TAFA4: variants seen among roughly 807,000 people sequenced by gnomAD.
The protein encoded by TAFA4 is chemokine-like protein TAFA-4.
TAFA4 carries 20 observed loss-of-function variants against 21.1 expected under a neutral mutation model. The observed-to-expected ratio is 0.95, with a 90% CI of 0.67 to 1.38. The LOEUF (loss-of-function observed/expected upper bound fraction) is 1.38. TAFA4 is among the 40% of genes most tolerant of loss of function. The probability of loss-of-function intolerance (pLI) is 0.00; values close to 1 mark genes in which losing one functional copy is unlikely to be tolerated. For missense variants in TAFA4, 211 were observed against 180.9 expected (o/e 1.17, Z -0.95); for synonymous variants, 71 against 67.4 (o/e 1.05, Z -0.26).
intron 3 of TAFA4, among the ~76,000 whole-genome samples, chr3:68,826,312 G>A (rs902110937): frequency 7.2e-5 from 11 of 152,126 alleles, no homozygotes; most frequent in South Asian, 4.1e-4. Context: ...GGTGGCTCAC[G>A]CCTGTAATCC....
intron 1 of TAFA4, among the ~76,000 whole-genome samples, chr3:68,888,981 T>A (rs1028636029): frequency 6.6e-6 from 1 of 152,226 alleles, no homozygotes; most frequent in Non-Finnish European, 1.5e-5. Context: ...ATCGATAACT[T>A]TGTGCATGGC....
chr3:68,873,376 A>ACACACACACACACACACACACACACC (rs1491286222), intron 3 of TAFA4, among the ~76,000 whole-genome samples: 1 of 138,456 alleles, frequency 7.2e-6, no homozygotes, highest in South Asian at 2.8e-4. Flanking sequence ...ACACACACAC[A>ACACACACACACACACACACACACACC]CCCTGGGCCA....
chr3:68,873,337 TACACACACACACACACACAC>T (rs34998311), intron 3 of TAFA4, among the ~76,000 whole-genome samples: 1 of 133,422 alleles, frequency 7.5e-6, no homozygotes, highest in Non-Finnish European at 1.6e-5. Flanking sequence ...CACGCAGACA[TACACACACACACACACACAC>T]ACACACACAC....
chr3:68,908,731 G>A (rs1575668468), intron 1 of TAFA4, among the ~76,000 whole-genome samples: 1 of 152,170 alleles, frequency 6.6e-6, no homozygotes. Context: ...AATATGGTTG[G>A]TAAAAACATT....
intron 3 of TAFA4, among the ~76,000 whole-genome samples, chr3:68,796,561 C>G (rs1313566078): frequency 6.6e-6 from 1 of 152,110 alleles, no homozygotes; most frequent in African/African-American, 2.4e-5. Flanking sequence ...CAGGGAAAAG[C>G]TTCATGACAT....
intron 3 of TAFA4, among the ~76,000 whole-genome samples, chr3:68,788,885 A>T (rs1703311650): frequency 6.6e-6 from 1 of 152,100 alleles, no homozygotes; most frequent in Admixed American, 6.5e-5. Context: ...TGGCCTTCCA[A>T]GGCTCTGGGA....
intron 3 of TAFA4, among the ~76,000 whole-genome samples, chr3:68,772,795 C>T (rs1044803930): frequency 6.6e-6 from 1 of 152,164 alleles, no homozygotes; most frequent in Admixed American, 6.5e-5. Flanking sequence ...TCTTAGCCTC[C>T]ATCATCACAT....
At chr3:68,897,847 C>T (rs1447340868) in intron 1 of TAFA4, among the ~76,000 whole-genome samples, 1 of 148,656 alleles carries the variant, frequency 6.7e-6, no homozygotes, top group African/African-American at 2.5e-5. Context: ...TCAACACTTC[C>T]CCCTTGACAT....
chr3:68,858,354 T>C (rs1219607381), intron 3 of TAFA4, among the ~76,000 whole-genome samples: 1 of 152,110 alleles, frequency 6.6e-6, no homozygotes, highest in Non-Finnish European at 1.5e-5. Flanking sequence ...TAGTTATTAA[T>C]GCTGGAACGC....
At chr3:68,737,811 A>G (rs1702271693) in intron 5 of TAFA4, among the ~76,000 whole-genome samples, 1 of 152,228 alleles carries the variant, frequency 6.6e-6, no homozygotes, top group African/African-American at 2.4e-5. Flanking sequence ...AAGAAAGGCA[A>G]GAAGCCATTC....
chr3:68,881,398 G>A (rs1334801274), intron 2 of TAFA4, among the ~76,000 whole-genome samples: 3 of 152,094 alleles, frequency 2.0e-5, no homozygotes, highest in African/African-American at 4.8e-5. Flanking sequence ...ATTTAACTTC[G>A]TATGATGGAC....
At chr3:68,806,519 C>A (rs1295074229) in intron 3 of TAFA4, among the ~76,000 whole-genome samples, 1 of 151,974 alleles carries the variant, frequency 6.6e-6, no homozygotes, top group Middle Eastern at 3.2e-3. Context: ...AAGAGTTGGC[C>A]AAGAGTATAT....
intron 3 of TAFA4, among the ~76,000 whole-genome samples, chr3:68,785,627 C>T (rs370076204): frequency 4.6e-5 from 7 of 152,370 alleles, no homozygotes; most frequent in African/African-American, 1.2e-4. Flanking sequence ...CGTGCAGCCC[C>T]GGTTCCCGTC....
chr3:68,833,762 G>T lies in TAFA4; in HGVS notation c.130+46968C>A, dbSNP rs749002475. On this transcript the variant is annotated intron_variant, in intron 3 of 5. Coordinates refer to ENST00000295569, the MANE Select transcript of TAFA4 (RefSeq NM_182522.5). ...ACTTTCATGGATAAGTTTTAAAAAT[G>T]AATAAATGAACTGATCACCCCTTTC... Among the ~76,000 whole-genome samples the T allele has an allele frequency of 1.5e-4, 23 of 152,102 alleles. 1 individual carries two copies. Among genetic ancestry groups the T allele is most frequent in the Admixed American group, 6.5e-5 (1 of 15,268 alleles).
chr3:68,763,505 A>G (rs995622741), intron 3 of TAFA4, among the ~76,000 whole-genome samples: 3 of 152,124 alleles, frequency 2.0e-5, no homozygotes, highest in Non-Finnish European at 4.4e-5. Context: ...TTCGATTCTA[A>G]TAGATATTAC....
intron 4 of TAFA4, among the ~76,000 whole-genome samples, chr3:68,739,625 G>T (rs1027393115): frequency 6.6e-6 from 1 of 152,154 alleles, no homozygotes; most frequent in African/African-American, 2.4e-5. Flanking sequence ...GAAACAACAT[G>T]TGTCCATCAA....
At chr3:68,755,711 C>T (rs1193004145) in intron 3 of TAFA4, among the ~76,000 whole-genome samples, 1 of 152,172 alleles carries the variant, frequency 6.6e-6, no homozygotes, top group African/African-American at 2.4e-5. Context: ...CATGAGCAGC[C>T]CTACAGCCAG....
At chr3:68,865,605 C>T (rs1034780781) in intron 3 of TAFA4, among the ~76,000 whole-genome samples, 5 of 152,108 alleles carry the variant, frequency 3.3e-5, no homozygotes, top group African/African-American at 1.2e-4. Flanking sequence ...GTCGATTAAA[C>T]CTCTTTTTCT....
intron 1 of TAFA4, among the ~76,000 whole-genome samples, chr3:68,922,550 A>C (rs527326613): frequency 1.0e-3 from 152 of 152,360 alleles, no homozygotes; most frequent in Admixed American, 1.8e-3. Context: ...CATGAAACTT[A>C]CATATGGATA....
Sources: allele counts gnomAD v4.1 joint callset (sites outside exome capture counted in the v4.1 genomes callset), GRCh38; gene constraint gnomAD v4.1.1; transcripts MANE v1.5; gene names NCBI Gene and HGNC (gene_info 2026-07-23, HGNC 2026-07-21).